Variants in EIF2D observed in about 807,000 individuals in gnomAD.
EIF2D encodes the protein hepatocellular carcinoma-associated antigen 56.
Under a neutral mutation model 77.4 loss-of-function variants are expected in EIF2D, and 56 were observed. The observed-to-expected ratio is 0.72, with a 90% CI of 0.58 to 0.90. The LOEUF is 0.90. Ranked by LOEUF, EIF2D falls within the 40% of genes least tolerant of loss-of-function variation. The pLI, the probability that EIF2D is intolerant of heterozygous loss-of-function variation, is 0.00. For synonymous variants in EIF2D, 230 were observed against 271.0 expected, an observed-to-expected ratio of 0.85 and a Z score of 1.49; for missense variants, 574 against 706.5, an observed-to-expected ratio of 0.81 and a Z score of 2.13.
chr1:206,589,642 A>T (rs1271065925), downstream of EIF2D, among the ~76,000 whole-genome samples: 1 of 151,880 alleles, frequency 6.6e-6, no homozygotes, highest in African/African-American at 2.4e-5. Context: ...GGAATTATTT[A>T]AAAATAAGGT....
chr1:206,585,247 G>A (rs146761578), intron 2 of EIF2D: 656 of 1,614,156 alleles, frequency 4.1e-4, no homozygotes, highest in Non-Finnish European at 5.2e-4. Flanking sequence ...GGCCTGACAC[G>A]GAGGTCCTCA....
chr1:206,582,938 C>T (rs569704102), intron 2 of EIF2D, among the ~76,000 whole-genome samples: 9 of 152,308 alleles, frequency 5.9e-5, no homozygotes, highest in South Asian at 2.1e-4. Flanking sequence ...CGGCTCTGCT[C>T]ATTCACCAGA....
chr1:206,597,913 C>T (rs1338439942), intron 11 of EIF2D, among the ~76,000 whole-genome samples: 1 of 151,922 alleles, frequency 6.6e-6, no homozygotes, highest in African/African-American at 2.4e-5. Flanking sequence ...CCATTGCACT[C>T]CAGCCTGGGC....
In EIF2D at chr1:206,602,376, G is replaced by T. The variant is rs782004904; in HGVS notation, c.862C>A (p.Leu288Ile). ...CRVKKADLPLLTSTFLGSHMF... is the reference protein window; with the variant it reads ...CRVKKADLPLITSTFLGSHMF... ...TGGCTGCCAAGGAAAGTGCTGGTGA[G>T]TAAAGGGAGGTCAGCCTTTTTGACT... Residue 288 changes from leucine to isoleucine, a missense_variant, in exon 7 of 15, where the codon CTC becomes ATC. Physicochemically the swap from Leu to Ile is conservative, Grantham distance 5 (BLOSUM62 2). Transcript: ENST00000271764. The T allele has an allele frequency of 6.2e-7, 1 of 1,614,242 alleles. No homozygotes were observed. Among genetic ancestry groups the T allele is most frequent in the East Asian group, 2.2e-5 (1 of 44,876 alleles).
Position 206,593,752 on chromosome 1 carries a change from T to A in EIF2D, c.1551A>T (p.Pro517=). ...GCTGAAGGATGGCAGCCACTGAGTA[T>A]GGGTCCAGACCATAGGCCTCCAAGT... ...VRNLEAYGLD[P]YSVAAILQQR... Residue 517 remains proline, a synonymous_variant, in exon 14 of 15, where the codon CCA becomes CCT. Transcript: ENST00000271764. The A allele has an allele frequency of 6.2e-7, 1 of 1,613,516 alleles. No individual in the cohort carries two copies.
intron 4 of EIF2D, among the ~76,000 whole-genome samples, chr1:206,578,792 G>A (rs782778982): frequency 9.1e-4 from 139 of 152,178 alleles, no homozygotes; most frequent in Admixed American, 4.0e-3. Flanking sequence ...CAGAAGCCAC[G>A]TGACTCACTC....
At position 206,584,846 on chromosome 1, in the gene EIF2D, G is replaced by A. The variant is rs1240338916; in HGVS notation, c.139-3684C>T. On this transcript the variant is annotated intron_variant and NMD_transcript_variant, in intron 2 of 5. Coordinates refer to the EIF2D transcript ENST00000472709. The surrounding 1 kb of genome is among the most constrained non-coding windows in gnomAD (Gnocchi z 4.9). ...TTCAGATCTGTGGAATCCGGGCAGG[G>A]AGGCAAGAGCAGAGTCCCTGACTCT... 1 of 742,394 alleles carries A rather than the reference G, an allele frequency of 1.3e-6. No homozygotes were observed. The allele number at this position is 742,394 out of a possible 1,614,324, so 46.0% of individuals were successfully genotyped here.
chr1:206,602,056 G>A, intron 7 of EIF2D: 1 of 372,536 alleles, frequency 2.7e-6, no homozygotes, highest in Non-Finnish European at 4.9e-6. Context: ...AACCCCCACG[G>A]CAGAGGCAGT....
At chr1:206,574,539 TCTGTTAATACA>T (rs1668564648) in intron 4 of EIF2D, among the ~76,000 whole-genome samples, 1 of 152,202 alleles carries the variant, frequency 6.6e-6, no homozygotes, top group Non-Finnish European at 1.5e-5. Flanking sequence ...TTCCCTCTGC[TCTGTTAATACA>T]CCCTACCAGA....
chr1:206,611,826 AC>A (rs1553414072), intron 1 of EIF2D, among the ~76,000 whole-genome samples: 1 of 152,238 alleles, frequency 6.6e-6, no homozygotes, highest in Non-Finnish European at 1.5e-5. Flanking sequence ...CTGAACAGAT[AC>A]AGTTCTTCTT....
intron 2 of EIF2D, chr1:206,583,390 G>T: frequency 6.3e-7 from 1 of 1,585,294 alleles, no homozygotes; most frequent in Non-Finnish European, 8.7e-7. Flanking sequence ...GTAAGCGCCC[G>T]TCCACCCTCA....
At chr1:206,610,277 G>A (rs75959269) in intron 2 of EIF2D, among the ~76,000 whole-genome samples, 4 of 152,216 alleles carry the variant, frequency 2.6e-5, no homozygotes, top group Non-Finnish European at 4.4e-5. Context: ...CCAACACTTC[G>A]GGAGACTGAG....
At chr1:206,600,565 C>G in intron 7 of EIF2D, 4 of 428,992 alleles carry the variant, frequency 9.3e-6, no homozygotes. Flanking sequence ...CCATTAGCCA[C>G]ATGTGGGTAG....
intron 7 of EIF2D, chr1:206,602,118 T>C (rs930248460): frequency 5.9e-6 from 3 of 508,614 alleles, no homozygotes; most frequent in Non-Finnish European, 1.1e-5. Context: ...ATCCTTTCAT[T>C]GGCTAAAATT....
At chr1:206,602,267 G>T in intron 7 of EIF2D, 69 bp downstream of exon 7, 1 of 1,248,320 alleles carries the variant, frequency 8.0e-7, no homozygotes, top group Non-Finnish European at 1.2e-6. Flanking sequence ...GCCCCATCCT[G>T]TCCTACTACC....
intron 5 of EIF2D, among the ~76,000 whole-genome samples, chr1:206,572,049 A>G (rs1223251027): frequency 4.6e-5 from 7 of 152,220 alleles, no homozygotes; most frequent in African/African-American, 1.7e-4. Context: ...TTTCAGAAGC[A>G]GAGGACAGAA....
chr1:206,609,239 A>G, intron 3 of EIF2D, 137 bp downstream of exon 3: 1 of 770,786 alleles, frequency 1.3e-6, no homozygotes, highest in Non-Finnish European at 2.1e-6. Context: ...CAGCCAAGTG[A>G]GAAACATAAA....
Position 206,609,424 on chromosome 1 carries a change from T to C in EIF2D, c.283A>G (p.Thr95Ala), listed in dbSNP as rs781832586. ...AGCACCAGAGGCCATGTTGTAAAGG[T>C]TGGCAGAAGATCAGGATAGGACCAC... The part of the protein sequence containing the change: ...TLWSYPDLLP[T>A]FTTWPLVLEK... The change falls in exon 3 of 15, where the codon ACC becomes GCC. Residue 95 changes from threonine to alanine, a missense_variant. Coordinates refer to ENST00000271764, the MANE Select transcript of EIF2D (RefSeq NM_006893.3). 8 of 1,614,070 alleles carry C rather than the reference T, an allele frequency of 5.0e-6. No homozygotes were observed. Among genetic ancestry groups the C allele is most frequent in the African/African-American group, 1.3e-5 (1 of 74,910 alleles).
At chr1:206,576,284 G>C (rs1219358984) in intron 4 of EIF2D, among the ~76,000 whole-genome samples, 1 of 152,198 alleles carries the variant, frequency 6.6e-6, no homozygotes, top group African/African-American at 2.4e-5. Context: ...ATGGTAATTT[G>C]TACTTTTGCT....
Sources: allele counts gnomAD v4.1 joint callset (sites outside exome capture counted in the v4.1 genomes callset), GRCh38; gene constraint gnomAD v4.1.1; non-coding constraint Gnocchi (gnomAD v3.1); transcripts MANE v1.5; gene names NCBI Gene and HGNC (gene_info 2026-07-23, HGNC 2026-07-21).